Variants in TRAPPC9 observed in about 807,000 individuals in gnomAD.
TRAPPC9 encodes trafficking protein particle complex subunit 9, also known as IKK2 binding protein.
TRAPPC9 carries 83 observed loss-of-function variants against 124.0 expected under a neutral mutation model. The observed-to-expected ratio is 0.67, with a 90% CI of 0.56 to 0.80. TRAPPC9 has a LOEUF of 0.80. Among genes scored for constraint, TRAPPC9 ranks in the 30% least tolerant of loss-of-function variants. TRAPPC9 has a pLI of 0.00. For missense variants in TRAPPC9, 1,302 were observed against 1,508.3 expected, an observed-to-expected ratio of 0.86 and a Z score of 2.27; for synonymous variants, 638 against 617.5, an observed-to-expected ratio of 1.03 and a Z score of -0.49.
At chr8:140,352,618 G>A (rs778041845) in intron 9 of TRAPPC9, among the ~76,000 whole-genome samples, 35 of 152,202 alleles carry the variant, frequency 2.3e-4, no homozygotes, top group Admixed American at 1.1e-3. Context: ...ACTGGCCGCC[G>A]CTCCCTGCCT....
rs150403241 is a variant in TRAPPC9, at chr8:140,281,178, T to C, written c.2114+2711A>G. Among the ~76,000 whole-genome samples, 1,072 of 152,340 alleles carry C rather than the reference T, an allele frequency of 7.0e-3. 13 individuals are homozygous for C. Among genetic ancestry groups the C allele is most frequent in the African/African-American group, 0.025 (1,027 of 41,570 alleles). ...CTAGGAGTGGAGTTGTTGGGTCACA[T>C]GGTAAACTTATGTGTAACTTCTGAA... On this transcript the variant is annotated intron_variant, in intron 14 of 22. Transcript: ENST00000438773.
intron 17 of TRAPPC9, among the ~76,000 whole-genome samples, chr8:140,200,340 C>T (rs552489912): frequency 2.0e-5 from 3 of 152,166 alleles, no homozygotes; most frequent in Non-Finnish European, 4.4e-5. Context: ...GATGCACCCC[C>T]ACCAGAAGGG....
intron 19 of TRAPPC9, among the ~76,000 whole-genome samples, chr8:139,952,217 G>A (rs893321686): frequency 2.6e-5 from 4 of 152,176 alleles, no homozygotes; most frequent in African/African-American, 9.7e-5. Flanking sequence ...ATAGCAAATT[G>A]CATGCCAGAC....
intron 17 of TRAPPC9, among the ~76,000 whole-genome samples, chr8:140,185,738 C>T (rs376041997): frequency 2.0e-5 from 3 of 152,204 alleles, no homozygotes; most frequent in East Asian, 3.8e-4. Flanking sequence ...GTGTCGCGGG[C>T]GCCATGCTCG....
chr8:139,876,964 A>G (rs1829357965), intron 21 of TRAPPC9, among the ~76,000 whole-genome samples: 1 of 152,346 alleles, frequency 6.6e-6, no homozygotes, highest in African/African-American at 2.4e-5. Flanking sequence ...CACACAAGCT[A>G]TCAGGTGGCT....
Position 140,044,273 on chromosome 8 carries a change from C to CAAAA in TRAPPC9, c.2557-20198_2557-20195dup, listed in dbSNP as rs1224548746. On this transcript the variant is annotated intron_variant, in intron 17 of 22. Coordinates refer to ENST00000438773, the MANE Select transcript of TRAPPC9 (RefSeq NM_001160372.4). Reference sequence around the variant, plus strand: ...CCAGAAGCAACAGAACAACAACGACCAAAAAAAAAAAAAAAGAAAAATCAC... The same window carrying CAAAA: ...CCAGAAGCAACAGAACAACAACGACCAAAAAAAAAAAAAAAAAAAGAAAAATCAC... 5.3e-4 allele frequency among the ~76,000 whole-genome samples: 52 copies of CAAAA among 98,344 alleles called. 1 individual carries two copies. The highest frequency in any genetic ancestry group is 2.0e-3 in the African/African-American group (50 of 25,230). The allele number at this position is 98,344 out of a possible 152,430, so 64.5% of individuals were successfully genotyped here.
At chr8:140,319,172 C>CTTTTTTTT (rs35283714) in intron 9 of TRAPPC9, among the ~76,000 whole-genome samples, 2 of 118,520 alleles carry the variant, frequency 1.7e-5, no homozygotes, top group Non-Finnish European at 3.4e-5. Context: ...TTATTTTGAA[C>CTTTTTTTT]TTTTTTTTTT....
intron 21 of TRAPPC9, among the ~76,000 whole-genome samples, chr8:139,805,979 C>A (rs1228349627): frequency 2.0e-5 from 3 of 152,194 alleles, no homozygotes; most frequent in East Asian, 1.9e-4. Context: ...CAGGGGTGTG[C>A]GCGGAGCACG....
intron 21 of TRAPPC9, among the ~76,000 whole-genome samples, chr8:139,863,541 C>G (rs1325315011): frequency 6.6e-6 from 1 of 152,226 alleles, no homozygotes; most frequent in South Asian, 2.1e-4. Flanking sequence ...GCTCGGGACC[C>G]GGGACTTGCG....
intron 21 of TRAPPC9, among the ~76,000 whole-genome samples, chr8:139,815,863 G>A (rs781422908): frequency 3.3e-5 from 5 of 152,208 alleles, no homozygotes; most frequent in Admixed American, 6.5e-5. Context: ...GGTGGCTCTT[G>A]TGCTCATCAC....
intron 17 of TRAPPC9, among the ~76,000 whole-genome samples, chr8:140,164,823 A>C (rs1587840166): frequency 6.6e-6 from 1 of 151,928 alleles, no homozygotes; most frequent in Non-Finnish European, 1.5e-5. Context: ...CCATTTTATC[A>C]CCTGAATGTC....
chr8:139,917,412 C>A (rs1832223234), intron 19 of TRAPPC9, among the ~76,000 whole-genome samples: 1 of 152,008 alleles, frequency 6.6e-6, no homozygotes, highest in South Asian at 2.1e-4. Flanking sequence ...GATCTCCTGA[C>A]CTTGTGATCT....
At chr8:140,215,898 C>T (rs138304228) in intron 17 of TRAPPC9, 2 of 152,282 alleles carry the variant, frequency 1.3e-5, no homozygotes, top group East Asian at 1.9e-4. Flanking sequence ...CCAGGCCACT[C>T]GAGGAAAGTG....
chr8:140,318,572 T>C (rs1484142334), intron 9 of TRAPPC9, among the ~76,000 whole-genome samples: 1 of 152,274 alleles, frequency 6.6e-6, no homozygotes, highest in Admixed American at 6.5e-5. Context: ...TTCTACTCTC[T>C]GCTTCTATGA....
At chr8:139,911,278 G>A (rs1466067427) in intron 19 of TRAPPC9, 1 of 152,250 alleles carries the variant, frequency 6.6e-6, no homozygotes, top group Non-Finnish European at 1.5e-5. Context: ...ATGATTGTGA[G>A]GCTTCTCCAG....
At chr8:139,944,921 G>A (rs979334725) in intron 19 of TRAPPC9, among the ~76,000 whole-genome samples, 4 of 152,184 alleles carry the variant, frequency 2.6e-5, no homozygotes, top group Non-Finnish European at 5.9e-5. Context: ...TCAGGAGTTT[G>A]AGATCAGCGT....
At chr8:139,928,135 A>G (rs1222229152) in intron 19 of TRAPPC9, among the ~76,000 whole-genome samples, 1 of 152,208 alleles carries the variant, frequency 6.6e-6, no homozygotes, top group Admixed American at 6.5e-5. Flanking sequence ...CCTGTGAAAT[A>G]TCTCCCCACC....
At chr8:140,329,482 G>T (rs1461284263) in intron 9 of TRAPPC9, among the ~76,000 whole-genome samples, 1 of 152,188 alleles carries the variant, frequency 6.6e-6, no homozygotes, top group Non-Finnish European at 1.5e-5. Context: ...GTCAAGTGCT[G>T]CATTAGAGGC....
chr8:139,773,905 G>A (rs968369803), intron 21 of TRAPPC9, among the ~76,000 whole-genome samples: 12 of 152,204 alleles, frequency 7.9e-5, no homozygotes, highest in East Asian at 5.8e-4. Context: ...TTCACGGCAC[G>A]CATGTTCAGT....
Sources: gnomAD v4.1 joint callset for allele counts (sites outside exome capture counted in the v4.1 genomes callset) on GRCh38, gnomAD v4.1.1 for gene constraint, MANE v1.5 for transcripts, NCBI Gene and HGNC (gene_info 2026-07-23, HGNC 2026-07-21) for gene names.